Variants in SNX31 observed in about 807,000 individuals in gnomAD.
The protein encoded by SNX31 is sorting nexin-31.
Under a neutral mutation model 65.4 loss-of-function variants are expected in SNX31, and 58 were observed. The ratio of observed to expected loss-of-function variants is 0.89; its 90% CI spans 0.72 to 1.10. SNX31 has a LOEUF of 1.10. Among genes scored for constraint, SNX31 ranks in the 50% least tolerant of loss-of-function variants. SNX31 has a pLI of 0.00. For missense variants in SNX31, 523 were observed against 529.7 expected, an observed-to-expected ratio of 0.99 and a Z score of 0.12; for synonymous variants, 181 against 190.1, an observed-to-expected ratio of 0.95 and a Z score of 0.39.
intron 5 of SNX31, 104 bp downstream of exon 5, chr8:100,617,516 A>G: frequency 1.3e-6 from 1 of 761,348 alleles, no homozygotes; most frequent in Non-Finnish European, 2.2e-6. Flanking sequence ...AGAGTAAAAC[A>G]ACAGGCCAGA....
At chr8:100,656,829 A>G (rs1476396202) in intron 1 of SNX31, among the ~76,000 whole-genome samples, 2 of 152,098 alleles carry the variant, frequency 1.3e-5, no homozygotes, top group African/African-American at 4.8e-5. Flanking sequence ...CTTGATCCAC[A>G]TTCTGGAGGT....
chr8:100,611,912 G>A, intron 7 of SNX31, 88 bp downstream of exon 7: 1 of 1,004,722 alleles, frequency 1.0e-6, no homozygotes, highest in Non-Finnish European at 1.6e-6. Context: ...GTCAGGCTAT[G>A]AGCAGGATGT....
intron 2 of SNX31, among the ~76,000 whole-genome samples, chr8:100,637,081 A>G (rs1818828748): frequency 6.6e-6 from 1 of 152,184 alleles, no homozygotes; most frequent in Non-Finnish European, 1.5e-5. Flanking sequence ...AATAAGGCTG[A>G]CATATGATCC....
chr8:100,574,516 C>T (rs1019660160), intron 13 of SNX31, among the ~76,000 whole-genome samples: 1 of 151,710 alleles, frequency 6.6e-6, no homozygotes, highest in Admixed American at 6.6e-5. Flanking sequence ...GCCTGTGGTC[C>T]GAGCTATTCG....
chr8:100,594,046 T>C lies in SNX31; in HGVS notation c.978+2593A>G, dbSNP rs191808063. Reference sequence around the variant, plus strand: ...GGCCAGGTGTGGTGGCTCACACCTGTAATCCCAGCACTTTGGGAGGCCGAA... The same window carrying C: ...GGCCAGGTGTGGTGGCTCACACCTGCAATCCCAGCACTTTGGGAGGCCGAA... On this transcript the variant is annotated intron_variant, in intron 10 of 13. Coordinates refer to ENST00000311812, the MANE Select transcript of SNX31 (RefSeq NM_152628.4). This position sits in a 1 kb window ranked among gnomAD's most constrained non-coding sequence, Gnocchi z 4.0. 4.0e-4 allele frequency among the ~76,000 whole-genome samples: 61 copies of C among 152,178 alleles called. No individual in the cohort carries two copies. Among genetic ancestry groups the C allele is most frequent in the African/African-American group, 1.3e-3 (54 of 41,542 alleles).
chr8:100,638,407 C>T (rs927921731), intron 2 of SNX31, among the ~76,000 whole-genome samples: 12 of 152,198 alleles, frequency 7.9e-5, no homozygotes, highest in Admixed American at 5.2e-4. Flanking sequence ...TAATTTGCTA[C>T]TGAGTTGGGC....
chr8:100,630,240 G>A lies in SNX31; in HGVS notation c.321+87C>T, dbSNP rs564481054. ...CAGGCTCTGTGGGGCTGTGACCAGT[G>A]CACACATGTGTGTGTACCTGCACAC... On this transcript the variant is annotated intron_variant, in intron 4 of 13. Coordinates refer to ENST00000311812, the MANE Select transcript of SNX31 (RefSeq NM_152628.4). This position sits in a 1 kb window ranked among gnomAD's most constrained non-coding sequence, Gnocchi z 5.3. 8.1e-7 allele frequency: 1 copy of A among 1,227,984 alleles called. No individual in the cohort carries two copies. The highest frequency in any genetic ancestry group is 1.2e-6 in the Non-Finnish European group (1 of 839,894). The allele number at this position is 1,227,984 out of a possible 1,614,324, so 76.1% of individuals were successfully genotyped here.
At chr8:100,657,228 G>A (rs184545098) in intron 1 of SNX31, among the ~76,000 whole-genome samples, 2,384 of 152,134 alleles carry the variant, frequency 0.016, 57 homozygotes, top group African/African-American at 0.053. Flanking sequence ...CGAGGCAGGC[G>A]GATCACCTGA....
At chr8:100,662,830 C>T (rs574165981) in intron 1 of SNX31, among the ~76,000 whole-genome samples, 2 of 152,292 alleles carry the variant, frequency 1.3e-5, no homozygotes, top group South Asian at 4.1e-4. Flanking sequence ...GGAATTTGCT[C>T]AGTGCTAGAA....
intron 1 of SNX31, among the ~76,000 whole-genome samples, chr8:100,662,596 CTG>C (rs1809805849): frequency 6.6e-6 from 1 of 152,162 alleles, no homozygotes; most frequent in Admixed American, 6.5e-5. Context: ...ACCTGGGAGG[CTG>C]AGGCAGGAGA....
chr8:100,649,463 C>T lies in SNX31; in HGVS notation c.52G>A (p.Gly18Arg), dbSNP rs1396933610. Residue 18 changes from glycine (G) to arginine (R), a missense_variant, in exon 1 of 14, where the codon GGG (glycine) becomes AGG (arginine). Physicochemically the swap from Gly to Arg is moderately radical, Grantham distance 125 (BLOSUM62 -2). Transcript: ENST00000311812. ...CCTGGGCGCACCACGTAGCGGCCCC[C>T]CAGCGCGTCGGACCGCTGCTGGGAC... The part of the protein sequence containing the change: ...PVSQQRSDAL[G>R]GRYVLYSVHL... 14 of 1,588,110 alleles carry T rather than the reference C, an allele frequency of 8.8e-6. No individual in the cohort carries two copies. Among genetic ancestry groups the T allele is most frequent in the Non-Finnish European group, 1.2e-5 (14 of 1,167,972 alleles).
intron 12 of SNX31, among the ~76,000 whole-genome samples, chr8:100,580,296 C>T (rs1408108288): frequency 3.3e-5 from 5 of 151,834 alleles, no homozygotes; most frequent in Non-Finnish European, 5.9e-5. Flanking sequence ...TCCTTAGGAA[C>T]ACATCTATTG....
chr8:100,624,111 C>T (rs1817888317), intron 4 of SNX31, among the ~76,000 whole-genome samples: 1 of 152,046 alleles, frequency 6.6e-6, no homozygotes, highest in Non-Finnish European at 1.5e-5. Flanking sequence ...CACAAGAAAG[C>T]TGAAATCCTC....
In SNX31 at chr8:100,630,548, C is replaced by A. The variant is rs972811738; in HGVS notation, c.257-157G>T. Among the ~76,000 whole-genome samples the A allele has an allele frequency of 6.6e-6, 1 of 152,194 alleles. No homozygotes were observed. Among genetic ancestry groups the A allele is most frequent in the African/African-American group, 2.4e-5 (1 of 41,448 alleles). ...AACCTCTCAAATACAGGAAAACCCC[C>A]AAAGCTTGCCTCCTATAGGCAGCCT... On this transcript the variant is annotated intron_variant, in intron 3 of 13. Coordinates refer to ENST00000311812, the MANE Select transcript of SNX31 (RefSeq NM_152628.4). This position sits in a 1 kb window ranked among gnomAD's most constrained non-coding sequence, Gnocchi z 5.3.
chr8:100,605,708 C>T lies in SNX31; in HGVS notation c.681+2786G>A, dbSNP rs145095216. Among the ~76,000 whole-genome samples the T allele has an allele frequency of 2.6e-3, 391 of 152,226 alleles. 3 individuals are homozygous for T. Among genetic ancestry groups the T allele is most frequent in the Non-Finnish European group, 4.0e-3 (273 of 68,002 alleles). ...ATTCAGTGTGCCTCCCATGAAGCCA[C>T]GTTTTTTTAGCTTTGAGCAGAGGAA... On this transcript the variant is annotated intron_variant, in intron 8 of 13. Transcript: ENST00000311812.
intron 8 of SNX31, among the ~76,000 whole-genome samples, chr8:100,605,430 AATGATGATGATG>A: frequency 6.6e-6 from 1 of 152,042 alleles, no homozygotes; most frequent in African/African-American, 2.4e-5. Flanking sequence ...TTCAGGGAAC[AATGATGATGATG>A]ATGATGATGA....
At chr8:100,635,093 G>C (rs1818667605) in intron 3 of SNX31, among the ~76,000 whole-genome samples, 1 of 151,494 alleles carries the variant, frequency 6.6e-6, no homozygotes, top group African/African-American at 2.4e-5. Context: ...ACATATAACT[G>C]CTGAGACATT....
Position 100,608,477 on chromosome 8 carries a change from C to G in SNX31, c.681+17G>C, listed in dbSNP as rs756582638. The G allele has an allele frequency of 2.5e-6, 4 of 1,613,638 alleles. No homozygotes were observed. In the Admixed American group the frequency reaches 6.7e-5, roughly 27 times the overall value. ...CCTATGATCTACGGTGCTGTCTGAG[C>G]TCTTGGTGACCCTCACCTGCATGTA... is the stretch of plus-strand genomic sequence containing the variant. On this transcript the variant is annotated intron_variant, in intron 8 of 13. Coordinates refer to ENST00000311812, the MANE Select transcript of SNX31 (RefSeq NM_152628.4).
At chr8:100,596,495 T>G (rs1815103941) in intron 10 of SNX31, 144 bp downstream of exon 10, 3 of 664,882 alleles carry the variant, frequency 4.5e-6, no homozygotes, top group Non-Finnish European at 7.9e-6. Flanking sequence ...GTTTTACCAC[T>G]AGGTGATATT....
Sources: allele counts gnomAD v4.1 joint callset (sites outside exome capture counted in the v4.1 genomes callset), GRCh38; gene constraint gnomAD v4.1.1; non-coding constraint Gnocchi (gnomAD v3.1); transcripts MANE v1.5; gene names NCBI Gene and HGNC (gene_info 2026-07-23, HGNC 2026-07-21).